Variants in ANKIB1 observed in about 807,000 individuals in gnomAD.
The protein encoded by ANKIB1 is ankyrin repeat and IBR domain-containing protein 1.
Under a neutral mutation model 122.1 loss-of-function variants are expected in ANKIB1, and 43 were observed. The observed-to-expected ratio is 0.35, with a 90% CI of 0.28 to 0.45. The LOEUF (loss-of-function observed/expected upper bound fraction) is 0.45. Among genes scored for constraint, ANKIB1 ranks in the 20% least tolerant of loss-of-function variants. The pLI, the probability that ANKIB1 is intolerant of heterozygous loss-of-function variation, is 1.00. For missense variants in ANKIB1, 992 were observed against 1,329.5 expected (o/e 0.75, Z 3.95); for synonymous variants, 390 against 442.0 (o/e 0.88, Z 1.48).
intron 1 of ANKIB1, among the ~76,000 whole-genome samples, chr7:92,256,484 G>A (rs1801448269): frequency 6.6e-6 from 1 of 152,128 alleles, no homozygotes; most frequent in Non-Finnish European, 1.5e-5. Flanking sequence ...ACAATGTGGG[G>A]GAATGCAGAG....
chr7:92,307,456 G>A lies in ANKIB1; in HGVS notation c.286G>A (p.Glu96Lys). 6.2e-7 allele frequency: 1 copy of A among 1,613,954 alleles called. No individual in the cohort carries two copies. Among genetic ancestry groups the A allele is most frequent in the East Asian group, 2.2e-5 (1 of 44,878 alleles). ...LCMGPQIMISEGALHPRLARP... is the reference protein window; with the variant it reads ...LCMGPQIMISKGALHPRLARP... ...TATGGGACCTCAAATTATGATATCTGAAGGAGCCCTTCATCCTCGCTTGGC... is the reference window on the plus strand; with the variant it reads ...TATGGGACCTCAAATTATGATATCTAAAGGAGCCCTTCATCCTCGCTTGGC... The change falls in exon 3 of 20, where the codon GAA becomes AAA. Residue 96 changes from glutamate (E) to lysine (K), a missense_variant. This residue lies in a region of ANKIB1 where 33 missense variants were observed against 27.5 expected (regional missense o/e 1.20). Coordinates refer to ENST00000265742, the MANE Select transcript of ANKIB1 (RefSeq NM_019004.2).
At chr7:92,342,787 C>T (rs1430681279) in intron 5 of ANKIB1, among the ~76,000 whole-genome samples, 3 of 152,104 alleles carry the variant, frequency 2.0e-5, no homozygotes, top group African/African-American at 4.8e-5. Flanking sequence ...GAAATTTTGA[C>T]CATACTGCTA....
At chr7:92,314,136 A>G (rs913487106) in intron 3 of ANKIB1, among the ~76,000 whole-genome samples, 10 of 151,974 alleles carry the variant, frequency 6.6e-5, no homozygotes, top group Non-Finnish European at 1.5e-5. Flanking sequence ...TGTTTCTACT[A>G]AAAATCAAAA....
intron 10 of ANKIB1, among the ~76,000 whole-genome samples, chr7:92,364,765 G>A (rs931209426): frequency 6.6e-6 from 1 of 152,170 alleles, no homozygotes; most frequent in African/African-American, 2.4e-5. Context: ...AGAAGTTGCA[G>A]TATCAGAAAA....
In ANKIB1 at chr7:92,319,365, G is replaced by A. The variant is rs1802858068; in HGVS notation, c.522G>A (p.Glu174=). The A allele has an allele frequency of 1.2e-6, 2 of 1,602,864 alleles. No homozygotes were observed. The highest frequency in any genetic ancestry group is 1.7e-5 in the Admixed American group (1 of 57,332). The change falls in exon 4 of 20, where the codon GAG becomes GAA. Residue 174 remains glutamate (E), a synonymous_variant. Coordinates refer to ENST00000265742, the MANE Select transcript of ANKIB1 (RefSeq NM_019004.2). ...LVKHGGDLFA[E]NENKDTPCDC... is the part of the protein sequence containing the mutation. ...AACATGGAGGAGACTTGTTTGCTGA[G>A]AATGAAAATAAAGATACTCCTTGTG...
chr7:92,290,210 G>C (rs1208712218), intron 1 of ANKIB1, among the ~76,000 whole-genome samples: 2 of 152,194 alleles, frequency 1.3e-5, no homozygotes, highest in Non-Finnish European at 2.9e-5. Context: ...TCATCTGTTT[G>C]ATTTCAACCT....
At position 92,352,473 on chromosome 7, in the gene ANKIB1, C is replaced by T. The variant is rs747420806; in HGVS notation, c.1231-3C>T. ...TTGTGTTTTGTTATTGCTGTTTAAA[C>T]AGGCCTTTGTTGAAAATAATCCTGC... On this transcript the variant is annotated splice_region_variant and splice_polypyrimidine_tract_variant and intron_variant, in intron 8 of 19. Coordinates refer to ENST00000265742, the MANE Select transcript of ANKIB1 (RefSeq NM_019004.2). The T allele has an allele frequency of 2.5e-6, 4 of 1,612,442 alleles. No individual in the cohort carries two copies. The highest frequency in any genetic ancestry group is 3.4e-6 in the Non-Finnish European group (4 of 1,179,474).
Position 92,400,977 on chromosome 7 carries a change from T to TA in ANKIB1, c.*2030dup, listed in dbSNP as rs1331358328. On this transcript the variant is annotated 3_prime_UTR_variant, in exon 20 of 20. Coordinates refer to ENST00000265742, the MANE Select transcript of ANKIB1 (RefSeq NM_019004.2). ...CTGAGGCATCTTGCACAGCTGCAGT[T>TA]AAGGTGAGAAAGAATGCTCTGTGTG... The TA allele has an allele frequency of 6.6e-6, 1 of 152,234 alleles. No individual in the cohort carries two copies. The highest frequency in any genetic ancestry group is 2.4e-5 in the African/African-American group (1 of 41,460). The allele number at this position is 152,234 out of a possible 1,614,324, so 9.4% of individuals were successfully genotyped here.
intron 4 of ANKIB1, among the ~76,000 whole-genome samples, chr7:92,320,417 T>A (rs1802881608): frequency 6.6e-6 from 1 of 152,226 alleles, no homozygotes; most frequent in South Asian, 2.1e-4. Flanking sequence ...TCAGTGGCAC[T>A]TGATGCAATT....
intron 10 of ANKIB1, among the ~76,000 whole-genome samples, chr7:92,364,037 A>G (rs1804013177): frequency 6.6e-6 from 1 of 152,024 alleles, no homozygotes; most frequent in African/African-American, 2.4e-5. Context: ...GCCAGGCACA[A>G]TGGCTCACAT....
intron 9 of ANKIB1, among the ~76,000 whole-genome samples, chr7:92,355,848 C>CATAATAATA (rs5885805): frequency 4.5e-4 from 65 of 143,372 alleles, no homozygotes; most frequent in East Asian, 1.4e-3. Flanking sequence ...GACTCCGTCT[C>CATAATAATA]ATAATAATAA....
intron 1 of ANKIB1, among the ~76,000 whole-genome samples, chr7:92,280,460 C>A (rs552807563): frequency 3.4e-4 from 51 of 151,206 alleles, no homozygotes; most frequent in South Asian, 2.3e-3. Flanking sequence ...ACCCCCCCCC[C>A]CTTTTTTTCC....
intron 11 of ANKIB1, among the ~76,000 whole-genome samples, chr7:92,375,427 T>C (rs1034607456): frequency 1.3e-5 from 2 of 152,246 alleles, no homozygotes; most frequent in African/African-American, 4.8e-5. Flanking sequence ...TTCTAGTCTT[T>C]GTTGTCATTT....
chr7:92,339,190 T>A (rs928897890), intron 5 of ANKIB1, among the ~76,000 whole-genome samples: 11 of 150,070 alleles, frequency 7.3e-5, no homozygotes, highest in Admixed American at 3.3e-4. Flanking sequence ...AACAGGCACC[T>A]GCCACCACGC....
intron 14 of ANKIB1, among the ~76,000 whole-genome samples, chr7:92,388,746 G>T (rs1345928198): frequency 1.3e-5 from 2 of 152,126 alleles, no homozygotes; most frequent in African/African-American, 4.8e-5. Context: ...TTATACTTGG[G>T]TTGCTCCAGT....
intron 4 of ANKIB1, among the ~76,000 whole-genome samples, chr7:92,324,649 G>A (rs1802986361): frequency 6.6e-6 from 1 of 152,170 alleles, no homozygotes; most frequent in Non-Finnish European, 1.5e-5. Context: ...TACATGGCCT[G>A]CTGTGTGATT....
At chr7:92,277,808 G>A (rs961914728) in intron 1 of ANKIB1, among the ~76,000 whole-genome samples, 3 of 151,924 alleles carry the variant, frequency 2.0e-5, no homozygotes, top group African/African-American at 7.3e-5. Flanking sequence ...AATAGGCCAG[G>A]CATGGTAGCT....
At chr7:92,267,920 G>A (rs899554056) in intron 1 of ANKIB1, among the ~76,000 whole-genome samples, 3 of 152,068 alleles carry the variant, frequency 2.0e-5, no homozygotes, top group Non-Finnish European at 2.9e-5. Flanking sequence ...AGGAAGGGAA[G>A]GTTTTTGAAA....
Position 92,369,463 on chromosome 7 carries a change from ACTGCTTCT to A in ANKIB1, c.1487-2005_1487-1998del, listed in dbSNP as rs1431315213. Among the ~76,000 whole-genome samples, 83 of 152,286 alleles carry A rather than the reference ACTGCTTCT, an allele frequency of 5.5e-4. 1 individual carries two copies. Among genetic ancestry groups the A allele is most frequent in the African/African-American group, 1.8e-3 (73 of 41,568 alleles). ...CTGTGCTGCTAGGCTCCAACAGAGGACTGCTTCTCTGCTTCTGGTGCTCAGCCCTTCCA... is the reference window on the plus strand; with the variant it reads ...CTGTGCTGCTAGGCTCCAACAGAGGACTGCTTCTGGTGCTCAGCCCTTCCA... On this transcript the variant is annotated intron_variant, in intron 10 of 19. Transcript: ENST00000265742.
Sources: gnomAD v4.1 joint callset for allele counts (sites outside exome capture counted in the v4.1 genomes callset) on GRCh38, gnomAD v4.1.1 for gene constraint, gnomAD v4.1.1 regional missense constraint, MANE v1.5 for transcripts, NCBI Gene and HGNC (gene_info 2026-07-23, HGNC 2026-07-21) for gene names.